The following PRKAR2B variants were observed in gnomAD, a reference collection of about 807,000 sequenced individuals.
PRKAR2B encodes cAMP-dependent protein kinase type II-beta regulatory subunit.
A neutral mutation model predicts 49.9 loss-of-function variants in PRKAR2B; 14 were observed. That is an observed-to-expected ratio of 0.28 (90% CI 0.19 to 0.44). PRKAR2B has a LOEUF of 0.44. Ranked by LOEUF, PRKAR2B falls within the 20% of genes least tolerant of loss-of-function variation. The pLI, the probability that PRKAR2B is intolerant of heterozygous loss-of-function variation, is 1.00. For missense variants in PRKAR2B, 393 were observed against 537.9 expected (o/e 0.73, Z 2.67); for synonymous variants, 196 against 197.7 (o/e 0.99, Z 0.07).
intron 6 of PRKAR2B, among the ~76,000 whole-genome samples, chr7:107,148,054 G>A (rs1297238963): frequency 6.6e-6 from 1 of 152,114 alleles, no homozygotes; most frequent in Non-Finnish European, 1.5e-5. Context: ...AAGGTTTAGA[G>A]GAAAAGCTGA....
intron 1 of PRKAR2B, among the ~76,000 whole-genome samples, chr7:107,057,635 C>T (rs1414762677): frequency 1.3e-5 from 2 of 151,966 alleles, no homozygotes; most frequent in Non-Finnish European, 2.9e-5. Flanking sequence ...GAATAAGTTA[C>T]GTATTTTATG....
At chr7:107,055,245 C>T (rs1793888644) in intron 1 of PRKAR2B, among the ~76,000 whole-genome samples, 1 of 152,216 alleles carries the variant, frequency 6.6e-6, no homozygotes, top group Non-Finnish European at 1.5e-5. Context: ...CAAGTCTTTG[C>T]TATTGTGAAT....
intron 2 of PRKAR2B, among the ~76,000 whole-genome samples, chr7:107,109,563 A>T (rs1387055997): frequency 6.6e-6 from 1 of 152,034 alleles, no homozygotes; most frequent in Non-Finnish European, 1.5e-5. Flanking sequence ...TGCTTGGCCT[A>T]CATTCTGTTT....
At chr7:107,102,912 C>G (rs544211015) in intron 2 of PRKAR2B, among the ~76,000 whole-genome samples, 1 of 152,142 alleles carries the variant, frequency 6.6e-6, no homozygotes, top group African/African-American at 2.4e-5. Context: ...CTCAGGTGAT[C>G]TGCCCGCCTC....
intron 2 of PRKAR2B, among the ~76,000 whole-genome samples, chr7:107,117,260 C>G (rs770555453): frequency 4.6e-5 from 7 of 151,770 alleles, no homozygotes; most frequent in Non-Finnish European, 1.0e-4. Flanking sequence ...AGGGCGTTTC[C>G]CCTTCAATAA....
chr7:107,108,429 A>AAGCG lies in PRKAR2B; in HGVS notation c.344-13522_344-13519dup, dbSNP rs148483481. 1.3e-3 allele frequency among the ~76,000 whole-genome samples: 202 copies of AAGCG among 152,324 alleles called. 6 individuals are homozygous for AAGCG. The East Asian group carries it at 0.034, about 26-fold the overall frequency. ...TAAAGAGACAAAAAGATTTGAGAGA[A>AAGCG]AGCGTGACAAGGACATGGCAGGCGT... On this transcript the variant is annotated intron_variant, in intron 2 of 10. Transcript: ENST00000265717.
At chr7:107,134,316 A>G (rs1795657968) in intron 4 of PRKAR2B, among the ~76,000 whole-genome samples, 2 of 152,180 alleles carry the variant, frequency 1.3e-5, no homozygotes, top group Non-Finnish European at 2.9e-5. Flanking sequence ...GGTGTGAGCT[A>G]CCGTGCCTGG....
chr7:107,157,346 G>C (rs774320912), intron 10 of PRKAR2B, 22 bp downstream of exon 10: 2 of 1,599,284 alleles, frequency 1.3e-6, no homozygotes, highest in Admixed American at 1.7e-5. Context: ...AACAGTGGGC[G>C]TGCTTCTGCT....
intron 1 of PRKAR2B, among the ~76,000 whole-genome samples, chr7:107,064,304 C>CA (rs1447501653): frequency 6.6e-6 from 1 of 152,138 alleles, no homozygotes; most frequent in Non-Finnish European, 1.5e-5. Context: ...CTATTACTTT[C>CA]ATGTTCTAAA....
At chr7:107,121,626 G>A (rs1276660583) in intron 2 of PRKAR2B, among the ~76,000 whole-genome samples, 1 of 152,100 alleles carries the variant, frequency 6.6e-6, no homozygotes, top group African/African-American at 2.4e-5. Flanking sequence ...ATGGCAGACA[G>A]CCTTTTCTTT....
chr7:107,076,582 C>T (rs1584414562), intron 2 of PRKAR2B, among the ~76,000 whole-genome samples: 2 of 152,228 alleles, frequency 1.3e-5, no homozygotes, highest in South Asian at 4.1e-4. Context: ...TTTGCATTGA[C>T]ATTTACTATT....
At chr7:107,147,800 C>G (rs958401432) in intron 6 of PRKAR2B, among the ~76,000 whole-genome samples, 2 of 152,164 alleles carry the variant, frequency 1.3e-5, no homozygotes, top group African/African-American at 4.8e-5. Context: ...TCTCTCAAAT[C>G]CTTTTGTGGA....
At chr7:107,107,846 C>T (rs373456350) in intron 2 of PRKAR2B, among the ~76,000 whole-genome samples, 12 of 152,126 alleles carry the variant, frequency 7.9e-5, no homozygotes, top group Middle Eastern at 3.4e-3. Context: ...TTAGTAGAGA[C>T]GGGGTTTTAC....
chr7:107,092,904 A>T (rs1321855593), intron 2 of PRKAR2B, among the ~76,000 whole-genome samples: 1 of 152,172 alleles, frequency 6.6e-6, no homozygotes, highest in Admixed American at 6.5e-5. Flanking sequence ...CAGCCCTGGC[A>T]GCCAACATTC....
intron 4 of PRKAR2B, among the ~76,000 whole-genome samples, chr7:107,138,735 G>A (rs771703016): frequency 5.9e-5 from 9 of 152,062 alleles, no homozygotes; most frequent in Non-Finnish European, 7.4e-5. Context: ...CCAGGCTGGA[G>A]CGCAGTGGTG....
chr7:107,065,314 GT>G (rs1794113633), intron 1 of PRKAR2B, among the ~76,000 whole-genome samples: 4 of 56,640 alleles, frequency 7.1e-5, no homozygotes, highest in South Asian at 1.5e-3. Context: ...TTTGCTCGGG[GT>G]GTGTGTATGT....
chr7:107,157,097 C>G, intron 9 of PRKAR2B, 48 bp downstream of exon 9: 1 of 1,607,260 alleles, frequency 6.2e-7, no homozygotes, highest in Non-Finnish European at 8.5e-7. Context: ...GCAAGGAACA[C>G]AACAGATCTA....
chr7:107,141,016 T>A, intron 5 of PRKAR2B, 63 bp downstream of exon 5: 1 of 1,200,636 alleles, frequency 8.3e-7, no homozygotes, highest in Non-Finnish European at 1.2e-6. Flanking sequence ...TCTCAACCAT[T>A]ATTACGGCAA....
chr7:107,145,305 AT>A (rs2115651152), intron 5 of PRKAR2B, among the ~76,000 whole-genome samples: 1 of 152,362 alleles, frequency 6.6e-6, no homozygotes, highest in South Asian at 2.1e-4. Context: ...ACAAAAGCAG[AT>A]AGCCAGTTTG....
Sources: allele counts gnomAD v4.1 joint callset (sites outside exome capture counted in the v4.1 genomes callset), GRCh38; gene constraint gnomAD v4.1.1; transcripts MANE v1.5; gene names NCBI Gene and HGNC (gene_info 2026-07-23, HGNC 2026-07-21).